The following KNDC1 variants were observed in gnomAD, a reference collection of about 807,000 sequenced individuals.
KNDC1 encodes kinase non-catalytic C-lobe domain containing 1, also known as kinase non-catalytic C-lobe domain-containing protein 1.
Under a neutral mutation model 172.8 loss-of-function variants are expected in KNDC1, and 106 were observed. The ratio of observed to expected loss-of-function variants is 0.61; its 90% confidence interval spans 0.52 to 0.72. The LOEUF is 0.72. Ranked by LOEUF, KNDC1 falls within the 30% of genes least tolerant of loss-of-function variation. KNDC1 has a pLI of 0.00. For synonymous variants in KNDC1, 1,083 were observed against 1,062.2 expected, an observed-to-expected ratio of 1.02 and a Z score of -0.38; for missense variants, 2,325 against 2,394.5, an observed-to-expected ratio of 0.97 and a Z score of 0.61.
chr10:133,206,282 G>A (rs899206517), intron 17 of KNDC1, among the ~76,000 whole-genome samples: 1 of 152,254 alleles, frequency 6.6e-6, no homozygotes, highest in Non-Finnish European at 1.5e-5. Flanking sequence ...GGGAGGTCCC[G>A]CTGCCACCCC....
Position 133,218,899 on chromosome 10 carries a change from G to A in KNDC1, c.4746G>A (p.Ala1582=), listed in dbSNP as rs760509928. 13 of 1,613,774 alleles carry A rather than the reference G, an allele frequency of 8.1e-6. No individual in the cohort carries two copies. Among genetic ancestry groups the A allele is most frequent in the East Asian group, 2.2e-5 (1 of 44,896 alleles). ...CTTGCTATGAGCAGAGAAACTTCGC[G>A]ACAGCCATGCAGATCCTGAGCGGGC... The part of the protein sequence containing the change: ...AKSCYEQRNF[A]TAMQILSGLE... The change falls in exon 27 of 30, where the codon GCG becomes GCA. Residue 1582 remains alanine, a synonymous_variant. Coordinates refer to ENST00000304613, the MANE Select transcript of KNDC1 (RefSeq NM_152643.8).
In KNDC1 at chr10:133,201,898, G is replaced by A. The variant is rs1041196663; in HGVS notation, c.3387G>A (p.Pro1129=). ...ADGALPDAQS[P]ELEQQLMMEK... Reference sequence around the variant, plus strand: ...GGGCCCTGCCCGACGCCCAGAGCCCGGTGAGTCCCAGGCCTTGGCACTGCC... The same window carrying A: ...GGGCCCTGCCCGACGCCCAGAGCCCAGTGAGTCCCAGGCCTTGGCACTGCC... The change falls in exon 17 of 30, where the codon CCG becomes CCA. Residue 1129 remains proline, a splice_region_variant and synonymous_variant. Coordinates refer to ENST00000304613, the MANE Select transcript of KNDC1 (RefSeq NM_152643.8). 68 of 1,473,766 alleles carry A rather than the reference G, an allele frequency of 4.6e-5. No homozygotes were observed. The highest frequency in any genetic ancestry group is 5.7e-5 in the Non-Finnish European group (63 of 1,114,000). The allele number at this position is 1,473,766 out of a possible 1,614,324, so 91.3% of individuals were successfully genotyped here. A position where few individuals can be genotyped will look rare whatever the true frequency, so the allele number is the denominator to read the frequency against.
At chr10:133,182,881 C>T (rs1457584949) in intron 3 of KNDC1, among the ~76,000 whole-genome samples, 7 of 147,736 alleles carry the variant, frequency 4.7e-5, no homozygotes, top group South Asian at 4.3e-4. Context: ...TGGGCGCAGG[C>T]GGCAAGGGCA....
intron 6 of KNDC1, 102 bp downstream of exon 6, chr10:133,186,776 T>A: frequency 1.3e-6 from 1 of 791,156 alleles, no homozygotes; most frequent in Non-Finnish European, 2.0e-6. Flanking sequence ...CTCAGAGAAT[T>A]AACCTTCACC....
intron 29 of KNDC1, among the ~76,000 whole-genome samples, chr10:133,221,642 G>C (rs988318007): frequency 6.6e-6 from 1 of 152,242 alleles, no homozygotes; most frequent in African/African-American, 2.4e-5. Flanking sequence ...CAGCGGACCA[G>C]GTGCCCATGG....
intron 3 of KNDC1, among the ~76,000 whole-genome samples, chr10:133,177,542 TCATGAGCACGTGTGTTG>T (rs1291386963): frequency 6.6e-6 from 1 of 150,726 alleles, no homozygotes; most frequent in African/African-American, 2.4e-5. Context: ...ATAGTGTGTG[TCATGAGCACGTGTGTTG>T]CATGTGTACA....
intron 3 of KNDC1, among the ~76,000 whole-genome samples, chr10:133,175,136 G>C (rs1564877049): frequency 6.6e-6 from 1 of 150,510 alleles, no homozygotes; most frequent in Non-Finnish European, 1.5e-5. Flanking sequence ...ATGGATGGTG[G>C]GTGGATGGGT....
chr10:133,197,623 C>A, intron 11 of KNDC1, 52 bp from the exon 12 acceptor site: 1 of 1,398,300 alleles, frequency 7.2e-7, no homozygotes, highest in Non-Finnish European at 1.0e-6. Context: ...GTGTTGCCGG[C>A]GCTGGCGGAG....
At chr10:133,218,438 A>C (rs924461855) in intron 26 of KNDC1, among the ~76,000 whole-genome samples, 5 of 152,170 alleles carry the variant, frequency 3.3e-5, no homozygotes, top group African/African-American at 1.2e-4. Context: ...GGGGGTGGGC[A>C]CGGAGCTGCC....
intron 6 of KNDC1, 64 bp from the exon 7 acceptor site, chr10:133,188,475 C>A: frequency 1.8e-6 from 2 of 1,090,140 alleles, no homozygotes; most frequent in African/African-American, 1.5e-5. Context: ...CCGGACATGC[C>A]TCTCCAGGCG....
At chr10:133,211,598 C>T (rs759331888) in intron 22 of KNDC1, 29 bp downstream of exon 22, 1 of 1,605,046 alleles carries the variant, frequency 6.2e-7, no homozygotes, top group Non-Finnish European at 8.5e-7. Flanking sequence ...TGGGCGGCCG[C>T]ACCCGGGGCT....
At chr10:133,167,109 CG>C in intron 1 of KNDC1, 1 of 510,502 alleles carries the variant, frequency 2.0e-6, no homozygotes, top group Non-Finnish European at 3.6e-6. Flanking sequence ...GCCGAGCCTC[CG>C]GGAGGAAGGC....
intron 3 of KNDC1, among the ~76,000 whole-genome samples, chr10:133,174,554 G>C (rs1487993703): frequency 6.6e-6 from 1 of 152,246 alleles, no homozygotes; most frequent in East Asian, 1.9e-4. Flanking sequence ...TTGATGGTTG[G>C]AGCATAGATT....
At chr10:133,211,603 G>A (rs752341792) in intron 22 of KNDC1, 34 bp downstream of exon 22, 94 of 1,603,768 alleles carry the variant, frequency 5.9e-5, no homozygotes, top group South Asian at 2.9e-4. Flanking sequence ...GGCCGCACCC[G>A]GGGCTCCCAC....
chr10:133,202,718 C>T (rs1019390720), intron 17 of KNDC1: 2 of 455,116 alleles, frequency 4.4e-6, no homozygotes, highest in African/African-American at 4.0e-5. Context: ...CAGTCCAGAA[C>T]ATGACCCGGT....
At chr10:133,214,285 G>A (rs1257841811) in intron 26 of KNDC1, among the ~76,000 whole-genome samples, 163 bp downstream of exon 26, 2 of 152,190 alleles carry the variant, frequency 1.3e-5, no homozygotes, top group East Asian at 3.8e-4. Flanking sequence ...GGGGAGCAGG[G>A]CACAGGCTTC....
intron 3 of KNDC1, among the ~76,000 whole-genome samples, chr10:133,173,329 C>A (rs1341059452): frequency 6.6e-6 from 1 of 152,200 alleles, no homozygotes; most frequent in Admixed American, 6.5e-5. Flanking sequence ...TAGGATCCAT[C>A]CCTTTTCTGA....
chr10:133,181,848 A>G (rs1007766796), intron 3 of KNDC1, among the ~76,000 whole-genome samples: 8 of 142,864 alleles, frequency 5.6e-5, no homozygotes, highest in Non-Finnish European at 1.1e-4. Flanking sequence ...ACACACACAC[A>G]CACACACACA....
At chr10:133,222,328 C>G (rs1302157128) in intron 29 of KNDC1, among the ~76,000 whole-genome samples, 4 of 151,766 alleles carry the variant, frequency 2.6e-5, no homozygotes, top group African/African-American at 9.7e-5. Flanking sequence ...GGAAAGAAAA[C>G]AAGCCAAGAG....
Sources: gnomAD v4.1 joint callset for allele counts (sites outside exome capture counted in the v4.1 genomes callset) on GRCh38, gnomAD v4.1.1 for gene constraint, MANE v1.5 for transcripts, NCBI Gene and HGNC (gene_info 2026-07-23, HGNC 2026-07-21) for gene names.